Variants in JPH2 observed in about 807,000 individuals in gnomAD.
JPH2 encodes junctophilin 2.
In JPH2, 38 loss-of-function variants were observed where a neutral mutation model predicts 55.9. The ratio of observed to expected loss-of-function variants is 0.68; its 90% CI spans 0.52 to 0.89. JPH2 has a LOEUF of 0.89. Among genes scored for constraint, JPH2 ranks in the 40% least tolerant of loss-of-function variants. The pLI is 0.00. For synonymous variants in JPH2, 480 were observed against 472.4 expected (o/e 1.02, Z -0.21); for missense variants, 964 against 1,037.6 (o/e 0.93, Z 0.97).
rs925793453 is a variant in JPH2 at position 44,110,994 on chromosome 20, C to T, written c.*2524G>A. Among the ~76,000 whole-genome samples, 1 of 152,188 alleles carries T rather than the reference C, an allele frequency of 6.6e-6. No homozygotes were observed. Among genetic ancestry groups the T allele is most frequent in the African/African-American group, 2.4e-5 (1 of 41,436 alleles). On this transcript the variant is annotated 3_prime_UTR_variant, in exon 6 of 6. Coordinates refer to ENST00000372980, the MANE Select transcript of JPH2 (RefSeq NM_020433.5). ...CTTCTCCAACCCCCTCGCTGGGAAC[C>T]ACCGGCTGTGAGAGTAACTTCATGG...
intron 2 of JPH2, among the ~76,000 whole-genome samples, chr20:44,127,652 AT>A (rs200155785): frequency 6.6e-6 from 1 of 150,644 alleles, no homozygotes; most frequent in African/African-American, 2.4e-5. Context: ...TGCCTGGCTG[AT>A]TTTTTTTTGT....
intron 2 of JPH2, among the ~76,000 whole-genome samples, chr20:44,121,801 A>G (rs570126677): frequency 4.3e-4 from 66 of 152,060 alleles, no homozygotes; most frequent in African/African-American, 1.6e-3. Flanking sequence ...AGCCTAAGCA[A>G]CATACCAAGA....
chr20:44,116,293 C>A lies in JPH2; in HGVS notation c.1382G>T (p.Gly461Val), dbSNP rs2145838846. The change falls in exon 4 of 6, where the codon GGC (glycine) becomes GTC (valine). Residue 461 changes from glycine (G) to valine (V), a missense_variant. Physicochemically the swap from Gly to Val is moderately radical, Grantham distance 109. Transcript: ENST00000372980. ...EPPDRGAGAA[G>V]LPQPPRESPQ... Reference sequence around the variant, plus strand: ...GCTCTCGCGGGGCGGCTGTGGGAGGCCCGCTGCGCCGGCGCCCCGGTCGGG... The same window carrying A: ...GCTCTCGCGGGGCGGCTGTGGGAGGACCGCTGCGCCGGCGCCCCGGTCGGG... The A allele has an allele frequency of 6.5e-7, 1 of 1,538,528 alleles. No homozygotes were observed. The highest frequency in any genetic ancestry group is 8.7e-7 in the Non-Finnish European group (1 of 1,144,784).
At chr20:44,146,311 G>C in intron 2 of JPH2, among the ~76,000 whole-genome samples, 1 of 151,924 alleles carries the variant, frequency 6.6e-6, no homozygotes, top group Non-Finnish European at 1.5e-5. Context: ...GGGATTCCAG[G>C]CATGAGCCAC....
At chr20:44,146,856 A>C (rs2072497265) in intron 2 of JPH2, among the ~76,000 whole-genome samples, 1 of 152,198 alleles carries the variant, frequency 6.6e-6, no homozygotes, top group Non-Finnish European at 1.5e-5. Context: ...GCTCATGTAC[A>C]CTGTTGTGGG....
At chr20:44,145,275 G>A (rs1202840872) in intron 2 of JPH2, among the ~76,000 whole-genome samples, 2 of 152,124 alleles carry the variant, frequency 1.3e-5, no homozygotes, top group Non-Finnish European at 2.9e-5. Context: ...GCAGGCTGCT[G>A]GCCTGTATGT....
intron 2 of JPH2, among the ~76,000 whole-genome samples, chr20:44,119,484 C>A (rs1440370150): frequency 1.3e-5 from 2 of 152,188 alleles, no homozygotes; most frequent in Non-Finnish European, 2.9e-5. Flanking sequence ...GGCAAATGTG[C>A]CTACCCCCGG....
intron 2 of JPH2, among the ~76,000 whole-genome samples, chr20:44,126,303 T>C (rs1004760027): frequency 6.6e-5 from 10 of 152,130 alleles, no homozygotes; most frequent in African/African-American, 2.4e-4. Flanking sequence ...ATAATAATAA[T>C]TTTAAAAATC....
At chr20:44,127,912 T>C (rs1167856326) in intron 2 of JPH2, among the ~76,000 whole-genome samples, 1 of 152,242 alleles carries the variant, frequency 6.6e-6, no homozygotes, top group African/African-American at 2.4e-5. Context: ...GCTGCTTGTA[T>C]ATCTTCTTAG....
At chr20:44,151,784 T>A (rs1326620682) in intron 2 of JPH2, among the ~76,000 whole-genome samples, 1 of 152,228 alleles carries the variant, frequency 6.6e-6, no homozygotes, top group Non-Finnish European at 1.5e-5. Flanking sequence ...GGCTGCCTTC[T>A]CGGCCTCATC....
chr20:44,139,197 AACC>A (rs1353120620), intron 2 of JPH2, among the ~76,000 whole-genome samples: 1 of 152,208 alleles, frequency 6.6e-6, no homozygotes, highest in African/African-American at 2.4e-5. Flanking sequence ...GGAAATGGAG[AACC>A]ACAGAGGGGC....
Position 44,138,888 on chromosome 20 carries a change from G to A in JPH2, c.1170-20265C>T, listed in dbSNP as rs185469514. On this transcript the variant is annotated intron_variant, in intron 2 of 5. Transcript: ENST00000372980. The stretch of plus-strand genomic sequence containing the variant: ...GTTTTTTAAATAGTAAGGGGATCCA[G>A]ACAGCATGTGGACACGGCGCGGCTC... 4.7e-3 allele frequency among the ~76,000 whole-genome samples: 722 copies of A among 152,298 alleles called. 1 individual carries two copies. The highest frequency in any genetic ancestry group is 8.3e-3 in the South Asian group (40 of 4,828).
At chr20:44,155,177 C>T (rs2072556788) in intron 2 of JPH2, among the ~76,000 whole-genome samples, 1 of 152,152 alleles carries the variant, frequency 6.6e-6, no homozygotes, top group African/African-American at 2.4e-5. Flanking sequence ...TGCCCTGTGC[C>T]AGGCATTTTA....
chr20:44,112,777 CT>C lies in JPH2; in HGVS notation c.*740del, dbSNP rs1214027563. ...GGCCATCATCACTGCACCTTAACCC[CT>C]CTTCCCACCCTGCCCCCTGGCCACC... On this transcript the variant is annotated 3_prime_UTR_variant, in exon 6 of 6. Transcript: ENST00000372980. 1 of 126,344 alleles carries C rather than the reference CT, an allele frequency of 7.9e-6. No homozygotes were observed. Among genetic ancestry groups the C allele is most frequent in the African/African-American group, 3.4e-5 (1 of 29,842 alleles). 7.8% of individuals were successfully genotyped at this position (126,344 alleles called of 1,614,324 possible).
intron 2 of JPH2, among the ~76,000 whole-genome samples, chr20:44,127,043 G>C (rs1328020389): frequency 6.6e-6 from 1 of 152,206 alleles, no homozygotes; most frequent in Non-Finnish European, 1.5e-5. Context: ...ATGCTGACCA[G>C]CATTCACTTC....
intron 2 of JPH2, among the ~76,000 whole-genome samples, chr20:44,125,133 T>C (rs1017090955): frequency 7.0e-6 from 1 of 143,602 alleles, no homozygotes; most frequent in African/African-American, 2.5e-5. Flanking sequence ...AAAAAAAAAG[T>C]AACATTTTGT....
intron 2 of JPH2, among the ~76,000 whole-genome samples, chr20:44,130,897 G>A (rs1035982607): frequency 2.0e-5 from 3 of 152,142 alleles, no homozygotes; most frequent in African/African-American, 7.2e-5. Flanking sequence ...ACACAATAAA[G>A]ATTCCATTTT....
At chr20:44,134,878 AT>A (rs1569195766) in intron 2 of JPH2, among the ~76,000 whole-genome samples, 5 of 12,538 alleles carry the variant, frequency 4.0e-4, no homozygotes, top group South Asian at 4.7e-3. Context: ...ATATATATTT[AT>A]ATATATATTA....
chr20:44,146,143 C>T (rs2072493046), intron 2 of JPH2, among the ~76,000 whole-genome samples: 2 of 151,898 alleles, frequency 1.3e-5, no homozygotes, highest in Non-Finnish European at 2.9e-5. Context: ...ACGCCATTCT[C>T]CTGCCTCAGC....
Sources: gnomAD v4.1 joint callset for allele counts (sites outside exome capture counted in the v4.1 genomes callset) on GRCh38, gnomAD v4.1.1 for gene constraint, MANE v1.5 for transcripts, NCBI Gene and HGNC (gene_info 2026-07-23, HGNC 2026-07-21) for gene names.